Variants in FKTN observed in about 807,000 individuals in gnomAD.
FKTN encodes the protein fukutin, also known as ribitol-5-phosphate transferase FKTN.
FKTN carries 47 observed loss-of-function variants against 58.6 expected under a neutral mutation model. That is an observed-to-expected ratio of 0.80 (90% CI 0.63 to 1.02). FKTN has a LOEUF of 1.02. Ranked by LOEUF, FKTN falls within the 50% of genes least tolerant of loss-of-function variation. FKTN has a pLI of 0.00. For synonymous variants in FKTN, 178 were observed against 191.9 expected (o/e 0.93, Z 0.60); for missense variants, 516 against 537.3 (o/e 0.96, Z 0.39).
rs554913126 is a variant in FKTN at position 105,610,836 on chromosome 9, C to T, written c.780+2885C>T. Among the ~76,000 whole-genome samples, 19 of 152,086 alleles carry T rather than the reference C, an allele frequency of 1.2e-4. 1 individual carries two copies. The highest frequency in any genetic ancestry group is 4.3e-4 in the African/African-American group (18 of 41,390). On this transcript the variant is annotated intron_variant, in intron 7 of 10. Coordinates refer to ENST00000357998, the MANE Select transcript of FKTN (RefSeq NM_001079802.2). The stretch of plus-strand genomic sequence containing the variant: ...CTGCCCCATCTAATGGTTTTAGTAT[C>T]GAATAGTTCAGGAAGGGCGGGAGAC...
intron 4 of FKTN, among the ~76,000 whole-genome samples, chr9:105,600,114 T>C (rs1027270967): frequency 6.6e-6 from 1 of 152,202 alleles, no homozygotes; most frequent in Non-Finnish European, 1.5e-5. Context: ...TCCTAACTTT[T>C]TACTTAGCTG....
At chr9:105,588,621 T>C (rs1229613532) in intron 3 of FKTN, among the ~76,000 whole-genome samples, 1 of 152,238 alleles carries the variant, frequency 6.6e-6, no homozygotes, top group Non-Finnish European at 1.5e-5. Context: ...CAAAGCACAC[T>C]TCATAACTTT....
Position 105,640,047 on chromosome 9 carries a change from GA to G in FKTN, c.*4787del. ...GTATCATTGTTAATAAAGGAGAATTGAAAATACTCATTTCTACTTTCTGCCC... is the reference window on the plus strand; with the variant it reads ...GTATCATTGTTAATAAAGGAGAATTGAAATACTCATTTCTACTTTCTGCCC... On this transcript the variant is annotated 3_prime_UTR_variant, in exon 11 of 11. Coordinates refer to ENST00000357998, the MANE Select transcript of FKTN (RefSeq NM_001079802.2). 1.3e-6 allele frequency: 2 copies of G among 1,533,266 alleles called. No homozygotes were observed. The highest frequency in any genetic ancestry group is 8.7e-7 in the Non-Finnish European group (1 of 1,144,890). The allele number at this position is 1,533,266 out of a possible 1,614,324, so 95.0% of individuals were successfully genotyped here. A position where few individuals can be genotyped will look rare whatever the true frequency, so the allele number is the denominator to read the frequency against.
At chr9:105,629,838 A>G (rs575020318) in intron 10 of FKTN, among the ~76,000 whole-genome samples, 1 of 152,356 alleles carries the variant, frequency 6.6e-6, no homozygotes, top group East Asian at 1.9e-4. Context: ...TGTGGCACAT[A>G]TACACCATGG....
chr9:105,620,775 ATAGTAGTAGTAG>A (rs58977246), intron 10 of FKTN, among the ~76,000 whole-genome samples: 42 of 145,434 alleles, frequency 2.9e-4, no homozygotes, highest in South Asian at 6.8e-4. Context: ...TAATACTACT[ATAGTAGTAGTAG>A]TAGTAGTAGT....
intron 1 of FKTN, among the ~76,000 whole-genome samples, chr9:105,567,135 A>T (rs1444101752): frequency 2.6e-5 from 4 of 152,228 alleles, no homozygotes; most frequent in Admixed American, 2.6e-4. Flanking sequence ...TTAGGTATTG[A>T]TGGGACGTAT....
At chr9:105,576,919 T>C (rs1240991359) in intron 3 of FKTN, among the ~76,000 whole-genome samples, 3 of 109,966 alleles carry the variant, frequency 2.7e-5, no homozygotes, top group South Asian at 3.0e-4. Context: ...TGATGGCCAG[T>C]GATGATGAGC....
Position 105,636,698 on chromosome 9 carries a change from A to C in FKTN, c.*1434A>C, listed in dbSNP as rs1834065406. 3.1e-6 allele frequency: 4 copies of C among 1,290,464 alleles called. No individual in the cohort carries two copies. The South Asian group carries it at 5.1e-5, about 16-fold the overall frequency. 79.9% of individuals were successfully genotyped at this position (1,290,464 alleles called of 1,614,324 possible). A position where few individuals can be genotyped will look rare whatever the true frequency, so the allele number is the denominator to read the frequency against. ...GAAAGGAAGCTGAATCTTATATCTT[A>C]TCTATGCTATTTAGGACTACTTTCT... On this transcript the variant is annotated 3_prime_UTR_variant, in exon 11 of 11. Transcript: ENST00000357998.
intron 9 of FKTN, among the ~76,000 whole-genome samples, chr9:105,618,745 C>T (rs757238157): frequency 6.6e-6 from 1 of 152,176 alleles, no homozygotes; most frequent in Non-Finnish European, 1.5e-5. Flanking sequence ...TGCTTGTCCC[C>T]TCGGAGGTGT....
Position 105,574,973 on chromosome 9 carries a change from CA to C in FKTN, c.-55del. 1.1e-6 allele frequency: 1 copy of C among 948,752 alleles called. No individual in the cohort carries two copies. The highest frequency in any genetic ancestry group is 2.4e-5 in the East Asian group (1 of 41,350). 58.8% of individuals were successfully genotyped at this position (948,752 alleles called of 1,614,324 possible). A position where few individuals can be genotyped will look rare whatever the true frequency, so the allele number is the denominator to read the frequency against. On this transcript the variant is annotated 5_prime_UTR_variant, in exon 3 of 11. Coordinates refer to ENST00000357998, the MANE Select transcript of FKTN (RefSeq NM_001079802.2). ...ACAAAATTATCTTCCTTTCCAAATC[CA>C]AAAAGATGAAAACGACTGAGATACT...
intron 4 of FKTN, among the ~76,000 whole-genome samples, chr9:105,597,745 A>G (rs1424554986): frequency 6.6e-6 from 1 of 152,146 alleles, no homozygotes; most frequent in Non-Finnish European, 1.5e-5. Context: ...GCCAAAGGCA[A>G]CAGGGGTGAT....
chr9:105,605,326 TTGTG>T (rs982573844), intron 6 of FKTN, among the ~76,000 whole-genome samples: 22 of 152,244 alleles, frequency 1.4e-4, no homozygotes, highest in African/African-American at 4.8e-4. Flanking sequence ...AAAGAACAAA[TTGTG>T]TGGTAAGACT....
At chr9:105,573,092 G>A (rs1343402374) in intron 1 of FKTN, among the ~76,000 whole-genome samples, 3 of 152,012 alleles carry the variant, frequency 2.0e-5, no homozygotes, top group Admixed American at 6.6e-5. Flanking sequence ...AAAATTAGCC[G>A]AGTGTGGTGG....
intron 8 of FKTN, among the ~76,000 whole-genome samples, chr9:105,616,373 C>A (rs1451303702): frequency 1.3e-5 from 2 of 152,106 alleles, no homozygotes; most frequent in Non-Finnish European, 2.9e-5. Flanking sequence ...ACATTAAAGA[C>A]AGTGTCATAA....
In FKTN at chr9:105,572,921, A is replaced by C. The variant is rs1564207838; in HGVS notation, c.-180-734A>C. On this transcript the variant is annotated intron_variant, in intron 1 of 10. Coordinates refer to ENST00000357998, the MANE Select transcript of FKTN (RefSeq NM_001079802.2). ...TTTCTTTCTTCCATAGTTAAGGCGT[A>C]AATTATATTCCCGTTTAGAAAAGTA... 2.0e-5 allele frequency among the ~76,000 whole-genome samples: 3 copies of C among 152,174 alleles called. No individual in the cohort carries two copies. In the South Asian group the frequency reaches 6.2e-4, roughly 32 times the overall value.
Position 105,638,830 on chromosome 9 carries a change from G to A in FKTN, c.*3566G>A, listed in dbSNP as rs1564363434. ...TGTACTCATTCCTTTTTGAGTTTGT[G>A]ACCTCAAACCATTGTTTTTATTCTT... On this transcript the variant is annotated 3_prime_UTR_variant, in exon 11 of 11. Transcript: ENST00000357998. 1 of 984,232 alleles carries A rather than the reference G, an allele frequency of 1.0e-6. No homozygotes were observed. Among genetic ancestry groups the A allele is most frequent in the Admixed American group, 6.2e-5 (1 of 16,248 alleles). 61.0% of individuals were successfully genotyped at this position (984,232 alleles called of 1,614,324 possible). A position where few individuals can be genotyped will look rare whatever the true frequency, so the allele number is the denominator to read the frequency against.
At chr9:105,620,816 A>AGTG (rs1389909761) in intron 10 of FKTN, among the ~76,000 whole-genome samples, 1 of 151,472 alleles carries the variant, frequency 6.6e-6, no homozygotes, top group African/African-American at 2.4e-5. Flanking sequence ...TAGTAGTAGT[A>AGTG]GTAGTAAAGA....
intron 10 of FKTN, chr9:105,633,423 T>C (rs1397451402): frequency 1.3e-5 from 2 of 152,176 alleles, no homozygotes; most frequent in Non-Finnish European, 2.9e-5. Context: ...AGATAGACCA[T>C]GAGTTCTGCC....
chr9:105,611,287 C>CT (rs1017986741), intron 7 of FKTN, among the ~76,000 whole-genome samples: 1 of 151,932 alleles, frequency 6.6e-6, no homozygotes, highest in East Asian at 1.9e-4. Context: ...TTAATTTTGT[C>CT]TTTTTTTAGA....
Sources: gnomAD v4.1 joint callset for allele counts (sites outside exome capture counted in the v4.1 genomes callset) on GRCh38, gnomAD v4.1.1 for gene constraint, MANE v1.5 for transcripts, NCBI Gene and HGNC (gene_info 2026-07-23, HGNC 2026-07-21) for gene names.